ERP27: variants seen among roughly 807,000 people sequenced by gnomAD.
ERP27 encodes endoplasmic reticulum protein 27.
Under a neutral mutation model 27.7 loss-of-function variants are expected in ERP27, and 23 were observed. The observed-to-expected ratio is 0.83, with a 90% CI of 0.60 to 1.18. ERP27 has a LOEUF of 1.18. ERP27 is among the 50% of genes most tolerant of loss of function. The pLI is 0.00. For synonymous variants in ERP27, 159 were observed against 118.3 expected (o/e 1.34, Z -2.23); for missense variants, 363 against 327.9 (o/e 1.11, Z -0.83).
rs3084565 is a variant in ERP27, at chr12:14,927,744, G to GCACACA, written c.334-6702_334-6697dup. Among the ~76,000 whole-genome samples the GCACACA allele has an allele frequency of 6.7e-3, 990 of 148,304 alleles. 18 individuals are homozygous for GCACACA. The highest frequency in any genetic ancestry group is 0.026 in the East Asian group (131 of 4,998). On this transcript the variant is annotated intron_variant, in intron 3 of 6. Coordinates refer to ENST00000266397, the MANE Select transcript of ERP27 (RefSeq NM_152321.4). ...TTTACTGGCTCTCTAATGCCTTCAGGCACACACACACACACACACACACAC... is the reference window on the plus strand; with the variant it reads ...TTTACTGGCTCTCTAATGCCTTCAGGCACACACACACACACACACACACACACACAC...
chr12:14,929,937 T>A (rs1381006152), intron 3 of ERP27, among the ~76,000 whole-genome samples: 1 of 151,764 alleles, frequency 6.6e-6, no homozygotes, highest in Non-Finnish European at 1.5e-5. Context: ...GCTTATCATA[T>A]ATTTAATAAA....
intron 5 of ERP27, chr12:14,915,888 G>A: frequency 1.7e-6 from 1 of 575,168 alleles, no homozygotes; most frequent in South Asian, 2.3e-5. Context: ...TGGGGCTGGA[G>A]GCTATTATCC....
Position 14,926,748 on chromosome 12 carries a change from G to A in ERP27, c.334-5700C>T, listed in dbSNP as rs150607802. Among the ~76,000 whole-genome samples, 58 of 152,098 alleles carry A rather than the reference G, an allele frequency of 3.8e-4. No homozygotes were observed. The East Asian group carries it at 0.01, about 27-fold the overall frequency. On this transcript the variant is annotated intron_variant, in intron 3 of 6. Transcript: ENST00000266397. ...TTACCTCTTTTAAATTCAATTTTCT[G>A]GCTCTAATTCAAGACTTACACATGA...
chr12:14,918,347 A>C (rs2120548639), intron 4 of ERP27, among the ~76,000 whole-genome samples: 1 of 152,356 alleles, frequency 6.6e-6, no homozygotes, highest in South Asian at 2.1e-4. Flanking sequence ...AAAGGTCAGC[A>C]GAAGGTGAGC....
rs193157307 is a variant in ERP27 at position 14,919,321 on chromosome 12, G to A, written c.450+1611C>T. Reference sequence around the variant, plus strand: ...ATAATATGGAACTTAAAAAAGATACGTCATTGCTCTGCGAAATGAGAGACA... The same window carrying A: ...ATAATATGGAACTTAAAAAAGATACATCATTGCTCTGCGAAATGAGAGACA... On this transcript the variant is annotated intron_variant, in intron 4 of 6. Transcript: ENST00000266397. 4.6e-5 allele frequency among the ~76,000 whole-genome samples: 7 copies of A among 152,222 alleles called. No individual in the cohort carries two copies. The East Asian group carries it at 7.7e-4, about 17-fold the overall frequency.
chr12:14,920,835 G>T, intron 4 of ERP27, 97 bp downstream of exon 4: 1 of 874,152 alleles, frequency 1.1e-6, no homozygotes. Flanking sequence ...ATTGGTCGAA[G>T]AATTGGAACT....
At position 14,917,313 on chromosome 12, in the gene ERP27, C is replaced by T. The variant is rs773624415; in HGVS notation, c.451-10G>A. ...ATAACCCAATCACAGTCTGGCAAGT[C>T]GAAATGTGTTACAGTAGAGTGAAAG... On this transcript the variant is annotated splice_polypyrimidine_tract_variant and intron_variant, in intron 4 of 6. Coordinates refer to ENST00000266397, the MANE Select transcript of ERP27 (RefSeq NM_152321.4). The T allele has an allele frequency of 1.1e-5, 17 of 1,613,956 alleles. No individual in the cohort carries two copies. The highest frequency in any genetic ancestry group is 3.3e-5 in the Admixed American group (2 of 60,008).
chr12:14,933,645 T>A (rs1344851618), intron 3 of ERP27, among the ~76,000 whole-genome samples: 1 of 152,158 alleles, frequency 6.6e-6, no homozygotes, highest in Non-Finnish European at 1.5e-5. Flanking sequence ...TTCTTTTCCA[T>A]CAATTTACTC....
At chr12:14,937,682 C>T (rs1863791749) in intron 2 of ERP27, among the ~76,000 whole-genome samples, 1 of 152,220 alleles carries the variant, frequency 6.6e-6, no homozygotes, top group Non-Finnish European at 1.5e-5. Context: ...TCTGCAGATA[C>T]TGACTTGAGC....
intron 3 of ERP27, among the ~76,000 whole-genome samples, chr12:14,931,673 AT>A (rs1228315224): frequency 6.6e-6 from 1 of 152,218 alleles, no homozygotes; most frequent in Non-Finnish European, 1.5e-5. Context: ...GTGAAGCTTT[AT>A]GAGGAATAAA....
intron 1 of ERP27, 43 bp from the exon 2 acceptor site, chr12:14,938,095 G>T (rs1863799397): frequency 1.3e-6 from 2 of 1,515,388 alleles, no homozygotes; most frequent in South Asian, 2.3e-5. Context: ...GAGGCAAGAA[G>T]AAGCAGCTCT....
chr12:14,922,344 T>C (rs1592274487), intron 3 of ERP27, among the ~76,000 whole-genome samples: 2 of 152,356 alleles, frequency 1.3e-5, no homozygotes, highest in Non-Finnish European at 2.9e-5. Context: ...GATATGGTTA[T>C]GTCTCAGTGG....
intron 4 of ERP27, among the ~76,000 whole-genome samples, chr12:14,920,337 G>A (rs556946222): frequency 6.6e-6 from 1 of 152,190 alleles, no homozygotes; most frequent in Non-Finnish European, 1.5e-5. Context: ...GTTTGCAGCT[G>A]CTGCCAGACC....
chr12:14,930,393 T>A (rs891951265), intron 3 of ERP27, among the ~76,000 whole-genome samples: 3 of 152,308 alleles, frequency 2.0e-5, no homozygotes, highest in Admixed American at 1.3e-4. Context: ...AGGTCAAAGT[T>A]AGGTTAATTA....
intron 3 of ERP27, among the ~76,000 whole-genome samples, chr12:14,922,995 G>A (rs1863530051): frequency 1.3e-5 from 2 of 150,794 alleles, no homozygotes; most frequent in African/African-American, 4.9e-5. Context: ...CTTGAACCCA[G>A]AAGGTGGAGG....
At chr12:14,938,167 AG>A in intron 1 of ERP27, 115 bp from the exon 2 acceptor site, 4 of 868,828 alleles carry the variant, frequency 4.6e-6, no homozygotes, top group Non-Finnish European at 7.4e-6. Context: ...CACAATTTAT[AG>A]GAGTACTGTT....
chr12:14,931,852 A>G (rs558542889), intron 3 of ERP27, among the ~76,000 whole-genome samples: 3 of 152,082 alleles, frequency 2.0e-5, no homozygotes, highest in African/African-American at 7.2e-5. Flanking sequence ...GTAGGTGTGG[A>G]GTGTAGCTTA....
intron 1 of ERP27, 122 bp from the exon 2 acceptor site, chr12:14,938,174 C>A: frequency 2.4e-6 from 2 of 830,020 alleles, no homozygotes; most frequent in East Asian, 4.9e-5. Context: ...TATAGGAGTA[C>A]TGTTGGCATT....
chr12:14,917,425 A>G (rs1863428771), intron 4 of ERP27, 122 bp from the exon 5 acceptor site: 1 of 1,326,046 alleles, frequency 7.5e-7, no homozygotes, highest in South Asian at 1.3e-5. Flanking sequence ...CACAAATGGA[A>G]CTAGCTTCCA....
Sources: allele counts gnomAD v4.1 joint callset (sites outside exome capture counted in the v4.1 genomes callset), GRCh38; gene constraint gnomAD v4.1.1; transcripts MANE v1.5; gene names NCBI Gene and HGNC (gene_info 2026-07-23, HGNC 2026-07-21).